The following ATG7 variants were observed in gnomAD, a reference collection of about 807,000 sequenced individuals.
ATG7 encodes ubiquitin-like modifier-activating enzyme ATG7.
In ATG7, 70 loss-of-function variants were observed where a neutral mutation model predicts 82.4. That is an observed-to-expected ratio of 0.85 (90% CI 0.70 to 1.04). The LOEUF is 1.04. Ranked by LOEUF, ATG7 falls within the 50% of genes least tolerant of loss-of-function variation. The pLI, the probability that ATG7 is intolerant of heterozygous loss-of-function variation, is 0.00. For missense variants in ATG7, 792 were observed against 864.3 expected, an observed-to-expected ratio of 0.92 and a Z score of 1.05; for synonymous variants, 287 against 313.0, an observed-to-expected ratio of 0.92 and a Z score of 0.88.
chr3:11,336,153 C>A (rs1952447103), intron 11 of ATG7, among the ~76,000 whole-genome samples: 1 of 151,576 alleles, frequency 6.6e-6, no homozygotes, highest in Non-Finnish European at 1.5e-5. Flanking sequence ...TCTGCCTCAG[C>A]CTCCTGAGTA....
intron 9 of ATG7, among the ~76,000 whole-genome samples, chr3:11,324,176 T>C (rs1950561959): frequency 6.6e-6 from 1 of 152,208 alleles, no homozygotes; most frequent in Non-Finnish European, 1.5e-5. Flanking sequence ...AAGGAAGTGA[T>C]TTGCCCAAGT....
chr3:11,483,187 C>T (rs532384585), intron 20 of ATG7, among the ~76,000 whole-genome samples: 9 of 152,264 alleles, frequency 5.9e-5, no homozygotes, highest in Admixed American at 4.6e-4. Flanking sequence ...TCTCCCCGTC[C>T]CCCTGCCCCT....
intron 19 of ATG7, among the ~76,000 whole-genome samples, chr3:11,407,676 G>A (rs1357487545): frequency 1.3e-5 from 2 of 152,168 alleles, no homozygotes; most frequent in East Asian, 3.9e-4. Flanking sequence ...TGACTTCTGT[G>A]TACTTGCAGG....
intron 20 of ATG7, among the ~76,000 whole-genome samples, chr3:11,527,092 T>TATATAC (rs1553708161): frequency 7.0e-6 from 1 of 142,184 alleles, no homozygotes; most frequent in Admixed American, 7.4e-5. Context: ...TATATATATA[T>TATATAC]ACATACATAT....
chr3:11,461,766 C>T (rs1034480392), intron 20 of ATG7, among the ~76,000 whole-genome samples: 1 of 152,036 alleles, frequency 6.6e-6, no homozygotes, highest in Non-Finnish European at 1.5e-5. Context: ...GTGGCTCACA[C>T]CTGTAATCCC....
At position 11,366,986 on chromosome 3, in the gene ATG7, T is replaced by G. The variant is rs1219727646; in HGVS notation, c.1875+2252T>G. Among the ~76,000 whole-genome samples the G allele has an allele frequency of 7.3e-5, 11 of 151,128 alleles. No homozygotes were observed. In the South Asian group the frequency reaches 2.1e-3, roughly 29 times the overall value. On this transcript the variant is annotated intron_variant, in intron 18 of 20. Coordinates refer to ENST00000693202, the MANE Select transcript of ATG7 (RefSeq NM_001349232.2). ...ATGGGAAAAGCTGTGTGTGTGTGTG[T>G]GTGTGTGTGTGTGTGTGTGTGTGTG...
intron 19 of ATG7, among the ~76,000 whole-genome samples, chr3:11,399,699 C>G (rs765042968): frequency 6.6e-6 from 1 of 152,122 alleles, no homozygotes; most frequent in African/African-American, 2.4e-5. Context: ...CTCAGCCTCC[C>G]GAGTAGCCGG....
intron 1 of ATG7, among the ~76,000 whole-genome samples, chr3:11,273,119 A>G (rs1940873067): frequency 6.6e-6 from 1 of 152,236 alleles, no homozygotes; most frequent in Non-Finnish European, 1.5e-5. Context: ...AACACTGGCG[A>G]CTGATGCCAT....
the ATG7 span, among the ~76,000 whole-genome samples, chr3:11,572,211 T>G: frequency 6.6e-6 from 1 of 152,242 alleles, no homozygotes; most frequent in East Asian, 1.9e-4. Flanking sequence ...ATGCTAGACC[T>G]CATCTTAGTA....
intron 20 of ATG7, among the ~76,000 whole-genome samples, chr3:11,549,821 T>TCC (rs2071612295): frequency 2.0e-5 from 3 of 152,192 alleles, no homozygotes; most frequent in Non-Finnish European, 4.4e-5. Flanking sequence ...TCCAAAGTGG[T>TCC]TTTGCCAGTT....
chr3:11,354,408 G>A (rs965130077), intron 14 of ATG7, among the ~76,000 whole-genome samples: 3 of 152,120 alleles, frequency 2.0e-5, no homozygotes, highest in Admixed American at 2.0e-4. Context: ...CCAGTGCTTT[G>A]GGAGGCTGAG....
At chr3:11,513,493 G>T (rs899127385) in intron 20 of ATG7, among the ~76,000 whole-genome samples, 1 of 152,244 alleles carries the variant, frequency 6.6e-6, no homozygotes, top group Non-Finnish European at 1.5e-5. Context: ...TGGGTGCTAA[G>T]CCCCTCATTG....
intron 20 of ATG7, among the ~76,000 whole-genome samples, chr3:11,530,031 C>T (rs545236279): frequency 6.6e-6 from 1 of 152,268 alleles, no homozygotes; most frequent in Admixed American, 6.5e-5. Context: ...GGAGGACCTT[C>T]TACTTGGATC....
At chr3:11,517,440 A>G (rs2092315428) in intron 20 of ATG7, among the ~76,000 whole-genome samples, 1 of 152,192 alleles carries the variant, frequency 6.6e-6, no homozygotes, top group African/African-American at 2.4e-5. Context: ...TAGGTAATGC[A>G]CAGAGGATTT....
chr3:11,277,018 C>T (rs1031733589), intron 1 of ATG7, among the ~76,000 whole-genome samples: 1 of 152,194 alleles, frequency 6.6e-6, no homozygotes, highest in African/African-American at 2.4e-5. Context: ...CCCTGAGAGT[C>T]ATCTCAGACT....
At chr3:11,481,183 G>T (rs766776473) in intron 20 of ATG7, among the ~76,000 whole-genome samples, 10 of 152,224 alleles carry the variant, frequency 6.6e-5, no homozygotes, top group African/African-American at 9.6e-5. Context: ...ATAGGAGTTA[G>T]GGTTTAACCG....
intron 7 of ATG7, among the ~76,000 whole-genome samples, chr3:11,313,011 G>A (rs904608386): frequency 1.3e-5 from 2 of 152,170 alleles, no homozygotes; most frequent in African/African-American, 4.8e-5. Flanking sequence ...GTTAAAGGAT[G>A]ATGATGATAA....
intron 20 of ATG7, among the ~76,000 whole-genome samples, chr3:11,444,678 G>A (rs1328113972): frequency 6.6e-6 from 1 of 152,124 alleles, no homozygotes; most frequent in Admixed American, 6.6e-5. Context: ...ATTTCATGAT[G>A]ATGCCAAAAA....
At chr3:11,408,492 G>T (rs974365710) in intron 19 of ATG7, among the ~76,000 whole-genome samples, 1 of 152,078 alleles carries the variant, frequency 6.6e-6, no homozygotes, top group Non-Finnish European at 1.5e-5. Flanking sequence ...CCCATTCCTG[G>T]TACCAGATTA....
Sources: allele counts gnomAD v4.1 joint callset (sites outside exome capture counted in the v4.1 genomes callset), GRCh38; gene constraint gnomAD v4.1.1; transcripts MANE v1.5; gene names NCBI Gene and HGNC (gene_info 2026-07-23, HGNC 2026-07-21).